The following PMS2 variants were observed in gnomAD, a reference collection of about 807,000 sequenced individuals.
PMS2 encodes PMS1 homolog 2, mismatch repair system component, also known as mismatch repair endonuclease PMS2.
Under a neutral mutation model 90.0 loss-of-function variants are expected in PMS2, and 69 were observed. The ratio of observed to expected loss-of-function variants is 0.77; its 90% CI spans 0.63 to 0.94. The LOEUF (loss-of-function observed/expected upper bound fraction) is 0.94, where lower values mean the gene tolerates loss of function less well. Ranked by LOEUF, PMS2 falls within the 40% of genes least tolerant of loss-of-function variation. The pLI is 0.00. For missense variants in PMS2, 966 were observed against 1,040.2 expected, an observed-to-expected ratio of 0.93 and a Z score of 0.98; for synonymous variants, 332 against 375.1, an observed-to-expected ratio of 0.89 and a Z score of 1.33.
intron 8 of PMS2, among the ~76,000 whole-genome samples, chr7:5,995,094 G>C (rs1784231127): frequency 6.6e-6 from 1 of 152,094 alleles, no homozygotes; most frequent in Non-Finnish European, 1.5e-5. Context: ...CTGGAGTGCA[G>C]TGGCATAATC....
Position 6,005,994 on chromosome 7 carries a change from T to G in PMS2, c.61A>C (p.Lys21Gln). The change falls in exon 2 of 15, where the codon AAG becomes CAG. Residue 21 changes from lysine (K) to glutamine (Q), a missense_variant. Lys to Gln is a moderately conservative substitution (Grantham distance 53, BLOSUM62 1). Transcript: ENST00000265849. ...PAKAIKPIDR[K>Q]SVHQICSGQV... Reference sequence around the variant, plus strand: ...CCAGAGCAAATCTGATGGACTGACTTCCGATCAATAGGTTTGATGGCCTTA... The same window carrying G: ...CCAGAGCAAATCTGATGGACTGACTGCCGATCAATAGGTTTGATGGCCTTA... The G allele has an allele frequency of 6.2e-7, 1 of 1,610,808 alleles. No homozygotes were observed. Among genetic ancestry groups the G allele is most frequent in the Non-Finnish European group, 8.5e-7 (1 of 1,179,828 alleles).
intron 14 of PMS2, 82 bp from the exon 15 acceptor site, chr7:5,973,624 A>G: frequency 3.1e-6 from 1 of 325,232 alleles, no homozygotes; most frequent in Non-Finnish European, 5.3e-6. Flanking sequence ...TTCTTCTCTA[A>G]AATAAGGCTG....
At chr7:6,005,788 TTAC>T in intron 2 of PMS2, 101 bp downstream of exon 2, 4 of 1,554,676 alleles carry the variant, frequency 2.6e-6, no homozygotes, top group African/African-American at 1.4e-5. Flanking sequence ...TAATAATTTA[TTAC>T]TACATCAACA....
Position 5,987,036 on chromosome 7 carries a change from T to G in PMS2, c.1729A>C (p.Lys577Gln), listed in dbSNP as rs754339271. Residue 577 changes from lysine to glutamine, a missense_variant, in exon 11 of 15, where the codon AAG (lysine) becomes CAG (glutamine). Lys to Gln is a moderately conservative substitution (Grantham distance 53, BLOSUM62 1). Coordinates refer to ENST00000265849, the MANE Select transcript of PMS2 (RefSeq NM_000535.7). ...AGAATTTCTTCTTTTTTAAAACGCT[T>G]TGTGTTTGGGGTTGCGAGATTAGTT... ...QPTNLATPNT[K>Q]RFKKEEILSS... is the part of the protein sequence containing the mutation. 1 of 1,614,056 alleles carries G rather than the reference T, an allele frequency of 6.2e-7. No individual in the cohort carries two copies. The highest frequency in any genetic ancestry group is 1.3e-5 in the African/African-American group (1 of 74,922).
chr7:5,994,591 G>A (rs1183278456), intron 8 of PMS2, among the ~76,000 whole-genome samples: 2 of 151,690 alleles, frequency 1.3e-5, no homozygotes, highest in Admixed American at 1.3e-4. Context: ...GGCTAACAAG[G>A]TGAAACCCCG....
chr7:5,978,937 G>A (rs1239488332), intron 12 of PMS2, among the ~76,000 whole-genome samples: 4 of 149,136 alleles, frequency 2.7e-5, no homozygotes, highest in African/African-American at 1.0e-4. Flanking sequence ...GCTCACGCCT[G>A]TAATCTCAGC....
chr7:6,000,150 G>A (rs941398789), intron 5 of PMS2, among the ~76,000 whole-genome samples: 3 of 151,998 alleles, frequency 2.0e-5, no homozygotes, highest in Non-Finnish European at 4.4e-5. Context: ...TGAGGCGGGA[G>A]GATCACTTGA....
chr7:5,987,097 T>C lies in PMS2; in HGVS notation c.1668A>G (p.Glu556=), dbSNP rs876659780. 5.0e-6 allele frequency: 8 copies of C among 1,614,062 alleles called. No homozygotes were observed. The African/African-American group carries it at 9.3e-5, about 19-fold the overall frequency. ...AAACTCGAAATTTACATCCGGTATCTTCCTGGTTTGAATGGCAGTCCACAT... is the reference window on the plus strand; with the variant it reads ...AAACTCGAAATTTACATCCGGTATCCTCCTGGTTTGAATGGCAGTCCACAT... ...FSDVDCHSNQ[E]DTGCKFRVLP... Residue 556 remains glutamate, a synonymous_variant, in exon 11 of 15, where the codon GAA becomes GAG. Coordinates refer to ENST00000265849, the MANE Select transcript of PMS2 (RefSeq NM_000535.7).
rs587781913 is a variant in PMS2 at position 6,002,635 on chromosome 7, C to T, written c.355G>A (p.Asp119Asn). The part of the protein sequence containing the change: ...EALSSLCALS[D>N]VTISTCHASA... Reference sequence around the variant, plus strand: ...GCGTGGCAGGTAGAAATGGTGACATCGCTGTGAGAGAATACCAGGCATGGT... The same window carrying T: ...GCGTGGCAGGTAGAAATGGTGACATTGCTGTGAGAGAATACCAGGCATGGT... Residue 119 changes from aspartate (D) to asparagine (N), a missense_variant and splice_region_variant, in exon 5 of 15, where the codon GAT becomes AAT. Transcript: ENST00000265849. The T allele has an allele frequency of 1.1e-5, 17 of 1,610,490 alleles. No homozygotes were observed. Among genetic ancestry groups the T allele is most frequent in the East Asian group, 4.5e-5 (2 of 44,878 alleles).
rs761795058 is a variant in PMS2, at chr7:6,003,803, G to A, written c.251-11C>T. On this transcript the variant is annotated splice_polypyrimidine_tract_variant and intron_variant, in intron 3 of 14. Coordinates refer to ENST00000265849, the MANE Select transcript of PMS2 (RefSeq NM_000535.7). Reference sequence around the variant, plus strand: ...TGTGATGTTTCAGAGCTGAAAGAGAGTGTAAAGTAAGGACTAAGATATCTC... The same window carrying A: ...TGTGATGTTTCAGAGCTGAAAGAGAATGTAAAGTAAGGACTAAGATATCTC... 4 of 1,556,368 alleles carry A rather than the reference G, an allele frequency of 2.6e-6. No homozygotes were observed. The highest frequency in any genetic ancestry group is 1.1e-5 in the South Asian group (1 of 89,728).
chr7:5,988,316 C>A (rs111495034), intron 10 of PMS2, among the ~76,000 whole-genome samples: 1 of 152,042 alleles, frequency 6.6e-6, no homozygotes, highest in African/African-American at 2.4e-5. Context: ...CAGTGGCTCA[C>A]GCCTGTAATC....
At chr7:6,002,871 T>C (rs770930370) in intron 4 of PMS2, among the ~76,000 whole-genome samples, 4 of 152,244 alleles carry the variant, frequency 2.6e-5, no homozygotes, top group Admixed American at 2.0e-4. Flanking sequence ...AGCTTTGATT[T>C]CGTTTTTCAG....
intron 13 of PMS2, among the ~76,000 whole-genome samples, chr7:5,978,037 G>T: frequency 6.7e-6 from 1 of 149,882 alleles, no homozygotes. Flanking sequence ...GGAGAATGGT[G>T]TGAACCTGGG....
rs1263334638 is a variant in PMS2, at chr7:6,003,699, C to A, written c.344G>T (p.Cys115Phe). ...AAAAATATTGTATCACCTCAGTGCACAAAGTGAGCTCAGAGCTTCCCCCCG... is the reference window on the plus strand; with the variant it reads ...AAAAATATTGTATCACCTCAGTGCAAAAAGTGAGCTCAGAGCTTCCCCCCG... ...GFRGEALSSL[C>F]ALSDVTISTC... is the part of the protein sequence containing the mutation. Residue 115 changes from cysteine (C) to phenylalanine (F), a missense_variant, in exon 4 of 15, where the codon TGT becomes TTT. Coordinates refer to ENST00000265849, the MANE Select transcript of PMS2 (RefSeq NM_000535.7). 6.3e-7 allele frequency: 1 copy of A among 1,579,612 alleles called. No homozygotes were observed. The highest frequency in any genetic ancestry group is 1.3e-5 in the African/African-American group (1 of 74,498).
At position 6,000,118 on chromosome 7, in the gene PMS2, TA is replaced by T. The variant is rs535384141; in HGVS notation, c.538-844del. On this transcript the variant is annotated intron_variant, in intron 5 of 14. Transcript: ENST00000265849. ...GGCCAGGCATGATGGTTCACACCTG[TA>T]ATCCCAGCACTTTGGGAGGCTGAGG... Among the ~76,000 whole-genome samples the T allele has an allele frequency of 2.4e-4, 36 of 152,098 alleles. No individual in the cohort carries two copies. In the South Asian group the frequency reaches 7.1e-3, roughly 30 times the overall value.
intron 14 of PMS2, among the ~76,000 whole-genome samples, chr7:5,977,319 TGCTGGGATTAGAG>T (rs1781777424): frequency 6.8e-6 from 1 of 147,084 alleles, no homozygotes; most frequent in African/African-American, 2.5e-5. Flanking sequence ...CTTCCCAAAG[TGCTGGGATTAGAG>T]GCTTGAGCCA....
chr7:6,006,582 G>A (rs1459432377), intron 1 of PMS2, among the ~76,000 whole-genome samples: 2 of 152,134 alleles, frequency 1.3e-5, no homozygotes, highest in Admixed American at 6.6e-5. Flanking sequence ...AAATCCAGGA[G>A]GCGGAGGTTG....
At chr7:5,995,730 C>T in intron 7 of PMS2, 97 bp from the exon 8 acceptor site, 1 of 841,472 alleles carries the variant, frequency 1.2e-6, no homozygotes, top group Non-Finnish European at 2.1e-6. Flanking sequence ...GAAAACAAAA[C>T]ACCAGGTGAC....
At chr7:6,007,155 G>C (rs1325617635) in intron 1 of PMS2, among the ~76,000 whole-genome samples, 1 of 151,766 alleles carries the variant, frequency 6.6e-6, no homozygotes, top group Non-Finnish European at 1.5e-5. Flanking sequence ...TCACCCCGTT[G>C]CCTATGCTAG....
Sources: allele counts gnomAD v4.1 joint callset (sites outside exome capture counted in the v4.1 genomes callset), GRCh38; gene constraint gnomAD v4.1.1; transcripts MANE v1.5; gene names NCBI Gene and HGNC (gene_info 2026-07-23, HGNC 2026-07-21).